TBC1D32: variants seen among roughly 807,000 people sequenced by gnomAD.
The protein encoded by TBC1D32 is TBC1 domain family member 32.
In TBC1D32, 151 loss-of-function variants were observed where a neutral mutation model predicts 170.3. The ratio of observed to expected loss-of-function variants is 0.89; its 90% CI spans 0.78 to 1.01. TBC1D32 has a LOEUF of 1.01. Ranked by LOEUF, TBC1D32 falls within the 50% of genes least tolerant of loss-of-function variation. The probability of loss-of-function intolerance (pLI) is 0.00; values close to 1 mark genes in which losing one functional copy is unlikely to be tolerated. For missense variants in TBC1D32, 1,464 were observed against 1,457.1 expected, an observed-to-expected ratio of 1.00 and a Z score of -0.08; for synonymous variants, 498 against 488.0, an observed-to-expected ratio of 1.02 and a Z score of -0.27.
Position 121,279,096 on chromosome 6 carries a change from T to G in TBC1D32, c.1733+25A>C, listed in dbSNP as rs187864617. On this transcript the variant is annotated intron_variant, in intron 15 of 31. Coordinates refer to ENST00000398212, the MANE Select transcript of TBC1D32 (RefSeq NM_152730.6). Reference sequence around the variant, plus strand: ...AAAACCAAACTATACCTGGAATAATTATCCGGATTTAAAATAGCACATACC... The same window carrying G: ...AAAACCAAACTATACCTGGAATAATGATCCGGATTTAAAATAGCACATACC... 5.1e-6 allele frequency: 8 copies of G among 1,573,402 alleles called. No individual in the cohort carries two copies. In the East Asian group the frequency reaches 1.8e-4, roughly 36 times the overall value.
At chr6:121,243,921 T>C (rs1797298411) in intron 17 of TBC1D32, among the ~76,000 whole-genome samples, 1 of 152,016 alleles carries the variant, frequency 6.6e-6, no homozygotes, top group East Asian at 1.9e-4. Flanking sequence ...AATGTATTCA[T>C]TGCTACAGTT....
chr6:121,277,042 T>C (rs954297449), intron 15 of TBC1D32, among the ~76,000 whole-genome samples: 1 of 152,138 alleles, frequency 6.6e-6, no homozygotes, highest in African/African-American at 2.4e-5. Flanking sequence ...AACAGTACCA[T>C]CAATCAGCTG....
At chr6:121,124,865 A>C (rs1780663144) in intron 26 of TBC1D32, among the ~76,000 whole-genome samples, 1 of 151,170 alleles carries the variant, frequency 6.6e-6, no homozygotes, top group Non-Finnish European at 1.5e-5. Context: ...CAGTTCCAGG[A>C]TTTCTGGTTA....
Position 121,079,685 on chromosome 6 carries a change from AT to A in TBC1D32, c.*1085del, listed in dbSNP as rs1166519746. ...TAAAAAATAGACATTCACATATTGT[AT>A]TAATCTTACCGGTGCAGAGACATCT... On this transcript the variant is annotated 3_prime_UTR_variant, in exon 32 of 32. Coordinates refer to ENST00000398212, the MANE Select transcript of TBC1D32 (RefSeq NM_152730.6). The A allele has an allele frequency of 6.6e-6, 1 of 152,188 alleles. No individual in the cohort carries two copies. The highest frequency in any genetic ancestry group is 1.5e-5 in the Non-Finnish European group (1 of 68,004). The allele number at this position is 152,188 out of a possible 1,614,324, so 9.4% of individuals were successfully genotyped here.
rs1362208571 is a variant in TBC1D32, at chr6:121,136,838, T to A, written c.2774-5086A>T. Among the ~76,000 whole-genome samples the A allele has an allele frequency of 2.0e-5, 3 of 152,166 alleles. No homozygotes were observed. In the East Asian group the frequency reaches 5.8e-4, roughly 29 times the overall value. On this transcript the variant is annotated intron_variant, in intron 24 of 31. Transcript: ENST00000398212. ...ACATGTGTATGTAAACAAGTATGTG[T>A]ATGTAAACAAGTATGTGTATAATTG...
chr6:121,149,416 T>C (rs952117554), intron 24 of TBC1D32, among the ~76,000 whole-genome samples: 1 of 152,216 alleles, frequency 6.6e-6, no homozygotes, highest in African/African-American at 2.4e-5. Flanking sequence ...CTTTAATCTA[T>C]CTTGAGTTAA....
In TBC1D32 at chr6:121,092,858, T is replaced by C. The variant is rs1336949864; in HGVS notation, c.3466-1817A>G. Among the ~76,000 whole-genome samples the C allele has an allele frequency of 2.0e-5, 3 of 152,130 alleles. No homozygotes were observed. The East Asian group carries it at 5.8e-4, about 29-fold the overall frequency. On this transcript the variant is annotated intron_variant, in intron 30 of 31. Coordinates refer to ENST00000398212, the MANE Select transcript of TBC1D32 (RefSeq NM_152730.6). ...ACATTCTGAAGTAGTGGGGTTAGGA[T>C]TTCAACAGGTGAGTTTTGAACAGAC...
chr6:121,332,270 A>G (rs1811318457), intron 1 of TBC1D32, among the ~76,000 whole-genome samples: 1 of 152,172 alleles, frequency 6.6e-6, no homozygotes. Context: ...GCTAGTATTC[A>G]GTACAATAAG....
chr6:121,291,676 C>G (rs3923664), intron 12 of TBC1D32, among the ~76,000 whole-genome samples: 4,986 of 152,074 alleles, frequency 0.033, 192 homozygotes, highest in East Asian at 0.12. Flanking sequence ...AATTCTGTAA[C>G]TTAAATATTA....
At chr6:121,261,677 T>C (rs532402165) in intron 15 of TBC1D32, among the ~76,000 whole-genome samples, 1 of 152,144 alleles carries the variant, frequency 6.6e-6, no homozygotes, top group East Asian at 1.9e-4. Flanking sequence ...TGAGAAAGAA[T>C]CAATGAAAAA....
intron 30 of TBC1D32, among the ~76,000 whole-genome samples, chr6:121,094,338 T>C (rs1777154227): frequency 6.6e-6 from 1 of 152,030 alleles, no homozygotes; most frequent in Non-Finnish European, 1.5e-5. Flanking sequence ...AGCTAATTTT[T>C]GTACTTTTAG....
At chr6:121,090,831 C>T (rs1776724084) in intron 31 of TBC1D32, 22 bp downstream of exon 31, 1 of 1,586,808 alleles carries the variant, frequency 6.3e-7, no homozygotes, top group African/African-American at 1.4e-5. Flanking sequence ...CAACATTTTC[C>T]TCTCCATATA....
At chr6:121,266,116 T>G (rs536163715) in intron 15 of TBC1D32, among the ~76,000 whole-genome samples, 1 of 152,202 alleles carries the variant, frequency 6.6e-6, no homozygotes, top group Non-Finnish European at 1.5e-5. Context: ...CAAAAGAAAC[T>G]ATTATCAGCA....
chr6:121,254,891 A>G (rs1310032407), intron 17 of TBC1D32, among the ~76,000 whole-genome samples: 1 of 152,112 alleles, frequency 6.6e-6, no homozygotes, highest in Admixed American at 6.6e-5. Context: ...TGATATAAAT[A>G]TTGATTTAAA....
rs1381754910 is a variant in TBC1D32 at position 121,308,034 on chromosome 6, C to A, written c.632G>T (p.Trp211Leu). 1 of 1,613,746 alleles carries A rather than the reference C, an allele frequency of 6.2e-7. No homozygotes were observed. The highest frequency in any genetic ancestry group is 8.5e-7 in the Non-Finnish European group (1 of 1,179,824). ...GGTCAGTTTTTCGCAGAGAGTAGTC[C>A]AATTTTCACAGTTGAGGACATCAGA... ...PPSDVLNCEN[W>L]TTLCEKLTVS... The change falls in exon 5 of 32, where the codon TGG (tryptophan) becomes TTG (leucine). Residue 211 changes from tryptophan to leucine, a missense_variant. This residue lies in a region of TBC1D32 where 1,363 missense variants were observed against 1,338.1 expected (regional missense o/e 1.02). Transcript: ENST00000398212.
At chr6:121,139,081 T>C (rs765003940) in intron 24 of TBC1D32, among the ~76,000 whole-genome samples, 26 of 152,172 alleles carry the variant, frequency 1.7e-4, no homozygotes, top group Non-Finnish European at 3.7e-4. Flanking sequence ...CTCCTGACCT[T>C]GTGGTCCGCC....
Position 121,292,108 on chromosome 6 carries a change from T to C in TBC1D32, c.1317A>G (p.Leu439=). 1.2e-6 allele frequency: 2 copies of C among 1,603,132 alleles called. No individual in the cohort carries two copies. Among genetic ancestry groups the C allele is most frequent in the Non-Finnish European group, 1.7e-6 (2 of 1,174,190 alleles). The change falls in exon 12 of 32, where the codon TTA becomes TTG. Residue 439 remains leucine (L), a synonymous_variant. Coordinates refer to ENST00000398212, the MANE Select transcript of TBC1D32 (RefSeq NM_152730.6). ...FIHSLCLLGR[L]LIYKQGRKLF... is the part of the protein sequence containing the mutation. Reference sequence around the variant, plus strand: ...GTTTTCTGCCTTGTTTATAGATCAATAATCTTCCTAAAAGGCACAGTGAGT... The same window carrying C: ...GTTTTCTGCCTTGTTTATAGATCAACAATCTTCCTAAAAGGCACAGTGAGT...
chr6:121,140,275 TC>T (rs1053334122), intron 24 of TBC1D32, among the ~76,000 whole-genome samples: 1 of 146,460 alleles, frequency 6.8e-6, no homozygotes, highest in Non-Finnish European at 1.5e-5. Context: ...AATATATACC[TC>T]CCCCCACCCT....
intron 30 of TBC1D32, among the ~76,000 whole-genome samples, chr6:121,097,570 T>C (rs1562469617): frequency 1.3e-5 from 2 of 152,064 alleles, no homozygotes; most frequent in Admixed American, 6.6e-5. Context: ...TGTGGAGAAA[T>C]AGGAACACTT....
Sources: allele counts gnomAD v4.1 joint callset (sites outside exome capture counted in the v4.1 genomes callset), GRCh38; gene constraint gnomAD v4.1.1; regional missense constraint gnomAD v4.1.1; transcripts MANE v1.5; gene names NCBI Gene and HGNC (gene_info 2026-07-23, HGNC 2026-07-21).